MCC: variants seen among roughly 807,000 people sequenced by gnomAD.
The protein encoded by MCC is MCC regulator of Wnt signaling pathway, also known as colorectal mutant cancer protein.
A neutral mutation model predicts 116.2 loss-of-function variants in MCC; 90 were observed. The ratio of observed to expected loss-of-function variants is 0.77; its 90% confidence interval spans 0.65 to 0.92. The LOEUF is 0.92. Ranked by LOEUF, MCC falls within the 40% of genes least tolerant of loss-of-function variation. The pLI is 0.00. For synonymous variants in MCC, 578 were observed against 510.5 expected (o/e 1.13, Z -1.78); for missense variants, 1,516 against 1,312.2 (o/e 1.16, Z -2.40).
chr5:113,174,494 G>A (rs1219376687), intron 3 of MCC, among the ~76,000 whole-genome samples: 1 of 152,058 alleles, frequency 6.6e-6, no homozygotes, highest in Non-Finnish European at 1.5e-5. Context: ...CCATCTACAG[G>A]AGAGTAAATA....
intron 16 of MCC, chr5:113,044,538 T>C: frequency 3.2e-6 from 3 of 934,482 alleles, no homozygotes; most frequent in Non-Finnish European, 3.8e-6. Flanking sequence ...ATAAAAAGCT[T>C]GTGATCTGTT....
intron 1 of MCC, among the ~76,000 whole-genome samples, chr5:113,413,057 A>C (rs1561558203): frequency 6.6e-6 from 1 of 152,170 alleles, no homozygotes; most frequent in Non-Finnish European, 1.5e-5. Flanking sequence ...GGTTCTGTTC[A>C]TGTGATGGAT....
intron 14 of MCC, among the ~76,000 whole-genome samples, chr5:113,055,648 G>A (rs1195410615): frequency 6.6e-6 from 1 of 152,210 alleles, no homozygotes; most frequent in East Asian, 1.9e-4. Flanking sequence ...TTGGAGATAA[G>A]GTAAGCTAGA....
chr5:113,224,922 T>C (rs1420934377), intron 3 of MCC, among the ~76,000 whole-genome samples: 2 of 152,244 alleles, frequency 1.3e-5, no homozygotes. Flanking sequence ...AGGTGGTATG[T>C]GGACCATGAT....
chr5:113,038,792 C>T (rs1403852913), intron 17 of MCC, among the ~76,000 whole-genome samples: 2 of 152,146 alleles, frequency 1.3e-5, no homozygotes, highest in Non-Finnish European at 2.9e-5. Flanking sequence ...TTGCCTACTT[C>T]TTATTCAGCA....
chr5:113,023,323 A>T lies in MCC; in HGVS notation c.*3979T>A, dbSNP rs3185733. On this transcript the variant is annotated 3_prime_UTR_variant, in exon 19 of 19. Transcript: ENST00000408903. ...CAGTTACGCCTCTTCTGTAAACTCT[A>T]TAAGAGTGCTCAAAGGTGAATCAAA... The T allele has an allele frequency of 6.6e-6, 1 of 152,044 alleles. No homozygotes were observed. The highest frequency in any genetic ancestry group is 1.5e-5 in the Non-Finnish European group (1 of 67,998). 9.4% of individuals were successfully genotyped at this position (152,044 alleles called of 1,614,324 possible). A position where few individuals can be genotyped will look rare whatever the true frequency, so the allele number is the denominator to read the frequency against.
chr5:113,317,558 A>C (rs1226802669), intron 3 of MCC, among the ~76,000 whole-genome samples: 1 of 152,214 alleles, frequency 6.6e-6, no homozygotes, highest in Non-Finnish European at 1.5e-5. Flanking sequence ...GGTGCTAAAG[A>C]AGGTACTTCA....
At chr5:113,435,016 G>C (rs1246897284) in intron 1 of MCC, 1 of 714,110 alleles carries the variant, frequency 1.4e-6, no homozygotes, top group African/African-American at 1.8e-5. Flanking sequence ...TCTCCCAGAT[G>C]ACTTCAGCGA....
intron 6 of MCC, among the ~76,000 whole-genome samples, chr5:113,117,719 G>C (rs1757475193): frequency 6.6e-6 from 1 of 152,220 alleles, no homozygotes; most frequent in South Asian, 2.1e-4. Context: ...CACAGGAAAG[G>C]ACAGCAAACA....
intron 3 of MCC, among the ~76,000 whole-genome samples, chr5:113,312,916 G>A (rs1425639143): frequency 2.0e-5 from 3 of 152,190 alleles, no homozygotes; most frequent in Non-Finnish European, 4.4e-5. Flanking sequence ...CCTGTGTCAA[G>A]CAATCTGATT....
intron 1 of MCC, among the ~76,000 whole-genome samples, chr5:113,399,463 C>A (rs758115786): frequency 6.6e-5 from 10 of 151,588 alleles, no homozygotes; most frequent in African/African-American, 1.9e-4. Flanking sequence ...CCAGCCTGGC[C>A]GACAGAGCAA....
chr5:113,432,128 C>A (rs781649630), intron 1 of MCC, among the ~76,000 whole-genome samples: 1 of 151,236 alleles, frequency 6.6e-6, no homozygotes, highest in Non-Finnish European at 1.5e-5. Flanking sequence ...GAGCGAGACT[C>A]CGTCTCAAAA....
intron 5 of MCC, among the ~76,000 whole-genome samples, chr5:113,142,520 A>T (rs2150285422): frequency 6.6e-6 from 1 of 152,040 alleles, no homozygotes; most frequent in Non-Finnish European, 1.5e-5. Flanking sequence ...TATTGTTATG[A>T]AAAGAAAATT....
chr5:113,329,563 T>C (rs1767649335), intron 3 of MCC, among the ~76,000 whole-genome samples: 1 of 152,164 alleles, frequency 6.6e-6, no homozygotes, highest in Non-Finnish European at 1.5e-5. Flanking sequence ...ACATAACTTT[T>C]ATAAATCCAG....
At chr5:113,231,877 T>C (rs1763952280) in intron 3 of MCC, among the ~76,000 whole-genome samples, 1 of 152,208 alleles carries the variant, frequency 6.6e-6, no homozygotes, top group African/African-American at 2.4e-5. Flanking sequence ...CAAATCATTG[T>C]CTACCTTAGT....
At chr5:113,454,596 C>A (rs1223969563) in intron 1 of MCC, among the ~76,000 whole-genome samples, 2 of 152,130 alleles carry the variant, frequency 1.3e-5, no homozygotes, top group East Asian at 3.8e-4. Context: ...GGAGAATCTA[C>A]AACAAAGATT....
At chr5:113,402,193 C>T (rs1280899855) in intron 1 of MCC, among the ~76,000 whole-genome samples, 1 of 150,354 alleles carries the variant, frequency 6.7e-6, no homozygotes, top group African/African-American at 2.5e-5. Flanking sequence ...ACTCCGGAGG[C>T]TGAGGCAGGA....
At chr5:113,080,820 A>C in intron 11 of MCC, among the ~76,000 whole-genome samples, 1 of 145,520 alleles carries the variant, frequency 6.9e-6, no homozygotes, top group Non-Finnish European at 1.5e-5. Context: ...AACAACAAAA[A>C]AAAAAAAGAA....
At chr5:113,127,824 T>C (rs550936891) in intron 5 of MCC, among the ~76,000 whole-genome samples, 1 of 152,348 alleles carries the variant, frequency 6.6e-6, no homozygotes, top group East Asian at 1.9e-4. Flanking sequence ...TTTCTTTTGC[T>C]ATGCAGAAGC....
Sources: allele counts gnomAD v4.1 joint callset (sites outside exome capture counted in the v4.1 genomes callset), GRCh38; gene constraint gnomAD v4.1.1; transcripts MANE v1.5; gene names NCBI Gene and HGNC (gene_info 2026-07-23, HGNC 2026-07-21).